Variants in CSTF3 observed in about 807,000 individuals in gnomAD.
CSTF3 encodes CF-1 77 kDa subunit.
In CSTF3, 29 loss-of-function variants were observed where a neutral mutation model predicts 105.8. That is an observed-to-expected ratio of 0.27 (90% CI 0.20 to 0.37). The LOEUF (loss-of-function observed/expected upper bound fraction) is 0.37, where lower values mean the gene tolerates loss of function less well. CSTF3 is among the 10% of genes least tolerant of loss of function. The pLI, the probability that CSTF3 is intolerant of heterozygous loss-of-function variation, is 1.00. For missense variants in CSTF3, 357 were observed against 879.3 expected, an observed-to-expected ratio of 0.41 and a Z score of 7.51; for synonymous variants, 252 against 281.9, an observed-to-expected ratio of 0.89 and a Z score of 1.06.
At chr11:33,154,122 G>C (rs1296880436) in intron 1 of CSTF3, among the ~76,000 whole-genome samples, 1 of 152,134 alleles carries the variant, frequency 6.6e-6, no homozygotes, top group Non-Finnish European at 1.5e-5. Flanking sequence ...TGGTCTGCAA[G>C]CTTTTATTGA....
At chr11:33,154,342 G>A (rs2133809018) in intron 1 of CSTF3, among the ~76,000 whole-genome samples, 1 of 152,002 alleles carries the variant, frequency 6.6e-6, no homozygotes, top group Admixed American at 6.6e-5. Context: ...TAAAAATAAG[G>A]TGGCAACAAA....
chr11:33,105,793 G>A, intron 7 of CSTF3, 90 bp downstream of exon 7: 5 of 1,518,146 alleles, frequency 3.3e-6, no homozygotes, highest in Non-Finnish European at 4.5e-6. Context: ...CAACTCTATG[G>A]AAAATAGTAT....
In CSTF3 at chr11:33,127,689, G is replaced by A. The variant is rs553585106; in HGVS notation, c.225+13978C>T. 5.9e-5 allele frequency among the ~76,000 whole-genome samples: 9 copies of A among 152,222 alleles called. No individual in the cohort carries two copies. In the South Asian group the frequency reaches 8.3e-4, roughly 14 times the overall value. On this transcript the variant is annotated intron_variant, in intron 3 of 20. Transcript: ENST00000323959. ...GTCGCCCAGGCTAGAGTGCAATGGCGCGATGTTTTTGGGTTTTGAGAGATG... is the reference window on the plus strand; with the variant it reads ...GTCGCCCAGGCTAGAGTGCAATGGCACGATGTTTTTGGGTTTTGAGAGATG...
rs773179561 is a variant in CSTF3, at chr11:33,141,736, C to T, written c.156G>A (p.Lys52=). Residue 52 remains lysine (K), a synonymous_variant, in exon 3 of 21, where the codon AAG becomes AAA. Coordinates refer to ENST00000323959, the MANE Select transcript of CSTF3 (RefSeq NM_001326.3). ...ACTGGGCAACAAGGCGTTCATAAGT[C>T]TTCCGTGCTTTGTCTATAGGTTGAT... ...AQNQPIDKAR[K]TYERLVAQFP... The T allele has an allele frequency of 6.2e-7, 1 of 1,605,806 alleles. No homozygotes were observed. Among genetic ancestry groups the T allele is most frequent in the Non-Finnish European group, 8.5e-7 (1 of 1,177,922 alleles).
chr11:33,157,799 ACT>A, intron 1 of CSTF3, among the ~76,000 whole-genome samples: 1 of 152,224 alleles, frequency 6.6e-6, no homozygotes, highest in South Asian at 2.1e-4. Context: ...ATCTTGTAGG[ACT>A]CTTTGTCCAC....
At chr11:33,092,422 T>C in intron 15 of CSTF3, 82 bp from the exon 16 acceptor site, 5 of 849,820 alleles carry the variant, frequency 5.9e-6, no homozygotes, top group Non-Finnish European at 8.8e-6. Flanking sequence ...TCTCACTTCA[T>C]CCTTACAAAA....
rs529009795 is a variant in CSTF3 at position 33,151,222 on chromosome 11, ACT to A, written c.28-9238_28-9237del. On this transcript the variant is annotated intron_variant, in intron 1 of 20. Coordinates refer to ENST00000323959, the MANE Select transcript of CSTF3 (RefSeq NM_001326.3). ...TCTTTTTTCTTTGAGACAGGATCTC[ACT>A]CTGTCACCCAGGCTCGAATGCAGTG... Among the ~76,000 whole-genome samples the A allele has an allele frequency of 4.6e-3, 702 of 151,698 alleles. 9 individuals carry two copies. Among genetic ancestry groups the A allele is most frequent in the Non-Finnish European group, 3.9e-3 (265 of 67,878 alleles).
At chr11:33,092,866 A>T (rs1041727134) in intron 15 of CSTF3, among the ~76,000 whole-genome samples, 3 of 152,218 alleles carry the variant, frequency 2.0e-5, no homozygotes, top group Admixed American at 2.0e-4. Context: ...ATGGAAATGT[A>T]AATGAATTAA....
chr11:33,087,054 T>C lies in CSTF3; in HGVS notation c.1729A>G (p.Arg577Gly), dbSNP rs749891940. 3 of 1,614,088 alleles carry C rather than the reference T, an allele frequency of 1.9e-6. No homozygotes were observed. The highest frequency in any genetic ancestry group is 2.7e-5 in the African/African-American group (2 of 74,946). Residue 577 changes from arginine to glycine, a missense_variant, in exon 18 of 21, where the codon AGA becomes GGA. Physicochemically the swap from Arg to Gly is moderately radical, Grantham distance 125 (BLOSUM62 -2). Transcript: ENST00000323959. ...TCTGGTTTAGGGTATTCTGGTTTTC[T>C]ATCCACTTCATCTTTCAGAACAGGC... ...IVPVLKDEVDRKPEYPKPDTQ... is the reference protein window; with the variant it reads ...IVPVLKDEVDGKPEYPKPDTQ...
At chr11:33,156,591 T>G in intron 1 of CSTF3, 1 of 405,138 alleles carries the variant, frequency 2.5e-6, no homozygotes, top group Non-Finnish European at 4.9e-6. Flanking sequence ...TAATTTGCGC[T>G]TCTTAGAATC....
chr11:33,156,660 G>C (rs531461275), intron 1 of CSTF3: 1 of 451,646 alleles, frequency 2.2e-6, no homozygotes, highest in Admixed American at 2.4e-5. Flanking sequence ...CCAAATTCTA[G>C]GATAAGTTAT....
intron 1 of CSTF3, among the ~76,000 whole-genome samples, 173 bp downstream of exon 1, chr11:33,161,126 A>C (rs1849935900): frequency 6.6e-6 from 1 of 152,148 alleles, no homozygotes. Flanking sequence ...GAGAAGTAAA[A>C]AAAAAAAAAT....
intron 3 of CSTF3, among the ~76,000 whole-genome samples, chr11:33,130,135 TTTTA>T (rs1855583434): frequency 6.6e-6 from 1 of 152,220 alleles, no homozygotes; most frequent in South Asian, 2.1e-4. Flanking sequence ...CCTCTTTCAT[TTTTA>T]TTTTTCATAA....
chr11:33,107,877 A>G, intron 5 of CSTF3, 26 bp downstream of exon 5: 2 of 1,397,802 alleles, frequency 1.4e-6, no homozygotes, highest in East Asian at 2.3e-5. Flanking sequence ...GATGACTTGC[A>G]TTCTTAAGAT....
chr11:33,119,306 T>C (rs571525738), intron 3 of CSTF3, among the ~76,000 whole-genome samples: 15 of 151,920 alleles, frequency 9.9e-5, no homozygotes, highest in African/African-American at 3.4e-4. Context: ...CTATTTCTCT[T>C]ACTTAATTTT....
intron 3 of CSTF3, among the ~76,000 whole-genome samples, chr11:33,112,678 C>T (rs1018068725): frequency 6.6e-6 from 1 of 152,096 alleles, no homozygotes; most frequent in African/African-American, 2.4e-5. Flanking sequence ...CCACCATTTT[C>T]CTTCTTTAAA....
At chr11:33,098,586 G>A (rs1855248172) in intron 13 of CSTF3, 104 bp downstream of exon 13, 1 of 701,882 alleles carries the variant, frequency 1.4e-6, no homozygotes, top group East Asian at 3.0e-5. Flanking sequence ...AAGATTAATA[G>A]AACTATACAA....
chr11:33,134,081 G>GA (rs919994445), intron 3 of CSTF3, among the ~76,000 whole-genome samples: 7 of 151,750 alleles, frequency 4.6e-5, no homozygotes, highest in Non-Finnish European at 8.8e-5. Context: ...CTATAGTTCG[G>GA]AAAAAAAAGA....
chr11:33,098,983 T>C, intron 12 of CSTF3, 51 bp downstream of exon 12: 1 of 1,539,590 alleles, frequency 6.5e-7, no homozygotes, highest in Non-Finnish European at 8.7e-7. Flanking sequence ...AAAAGTTCAG[T>C]CCTGCACTAA....
Sources: allele counts gnomAD v4.1 joint callset (sites outside exome capture counted in the v4.1 genomes callset), GRCh38; gene constraint gnomAD v4.1.1; transcripts MANE v1.5; gene names NCBI Gene and HGNC (gene_info 2026-07-23, HGNC 2026-07-21).